Variants in SGMS1 observed in about 807,000 individuals in gnomAD.
SGMS1 encodes the protein sphingomyelin synthase 1, also known as phosphatidylcholine:ceramide cholinephosphotransferase 1.
SGMS1 carries 13 observed loss-of-function variants against 46.2 expected under a neutral mutation model. The ratio of observed to expected loss-of-function variants is 0.28; its 90% CI spans 0.18 to 0.45. The LOEUF (loss-of-function observed/expected upper bound fraction) is 0.45, where lower values mean the gene tolerates loss of function less well. Ranked by LOEUF, SGMS1 falls within the 20% of genes least tolerant of loss-of-function variation. The pLI is 1.00. For missense variants in SGMS1, 324 were observed against 519.9 expected, an observed-to-expected ratio of 0.62 and a Z score of 3.66; for synonymous variants, 203 against 187.8, an observed-to-expected ratio of 1.08 and a Z score of -0.66.
chr10:50,313,225 C>T (rs1453572476), intron 8 of SGMS1, among the ~76,000 whole-genome samples: 2 of 151,970 alleles, frequency 1.3e-5, no homozygotes, highest in African/African-American at 4.8e-5. Context: ...GAGATGGGGT[C>T]GGAGGGTAGG....
chr10:50,556,639 A>G (rs1261022624), intron 2 of SGMS1, among the ~76,000 whole-genome samples: 2 of 152,244 alleles, frequency 1.3e-5, no homozygotes, highest in African/African-American at 4.8e-5. Flanking sequence ...GTAGGCCCGC[A>G]CAGACGCAGC....
chr10:50,396,403 T>C (rs997926890), intron 6 of SGMS1, among the ~76,000 whole-genome samples: 7 of 152,172 alleles, frequency 4.6e-5, no homozygotes, highest in African/African-American at 7.2e-5. Context: ...AGAAGGTCTA[T>C]GTTCCACAAC....
At chr10:50,492,783 A>G (rs184645416) in intron 3 of SGMS1, among the ~76,000 whole-genome samples, 2 of 152,242 alleles carry the variant, frequency 1.3e-5, no homozygotes, top group Non-Finnish European at 2.9e-5. Flanking sequence ...TATTCTTCAC[A>G]GAACTAGAGA....
rs184297016 is a variant in SGMS1, at chr10:50,608,488, G to A, written c.-684+15219C>T. On this transcript the variant is annotated intron_variant, in intron 1 of 10. Transcript: ENST00000361781. ...ACAGGCTGTACACCACAAGATTTCAGGGGACGCTACTCAGTGCCCACTCCT... is the reference window on the plus strand; with the variant it reads ...ACAGGCTGTACACCACAAGATTTCAAGGGACGCTACTCAGTGCCCACTCCT... Among the ~76,000 whole-genome samples the A allele has an allele frequency of 2.2e-3, 338 of 152,258 alleles. 9 individuals carry two copies. The highest frequency in any genetic ancestry group is 0.019 in the Admixed American group (295 of 15,290).
intron 3 of SGMS1, among the ~76,000 whole-genome samples, chr10:50,498,419 C>T (rs779575974): frequency 3.3e-5 from 5 of 152,184 alleles, no homozygotes; most frequent in Non-Finnish European, 7.3e-5. Context: ...CACCACCATC[C>T]ATTTCCAGAG....
At chr10:50,605,550 C>T (rs1249432902) in intron 1 of SGMS1, among the ~76,000 whole-genome samples, 1 of 152,138 alleles carries the variant, frequency 6.6e-6, no homozygotes, top group Non-Finnish European at 1.5e-5. Context: ...CTCAAGGTTG[C>T]TGCCAAGTTT....
chr10:50,384,235 C>T (rs1345456005), intron 6 of SGMS1, among the ~76,000 whole-genome samples: 4 of 152,182 alleles, frequency 2.6e-5, no homozygotes, highest in African/African-American at 9.7e-5. Flanking sequence ...TTTCTTCCTT[C>T]ACTCACTAAT....
At chr10:50,495,839 T>C (rs1394909240) in intron 3 of SGMS1, among the ~76,000 whole-genome samples, 1 of 151,590 alleles carries the variant, frequency 6.6e-6, no homozygotes, top group Non-Finnish European at 1.5e-5. Context: ...ACATAGAACA[T>C]ATATGGAAAA....
intron 5 of SGMS1, among the ~76,000 whole-genome samples, chr10:50,437,157 TGGGGGCAATAC>T (rs1442751933): frequency 6.6e-6 from 1 of 152,188 alleles, no homozygotes; most frequent in African/African-American, 2.4e-5. Flanking sequence ...CCTCATACTT[TGGGGGCAATAC>T]AAGTACTAGG....
intron 2 of SGMS1, among the ~76,000 whole-genome samples, chr10:50,563,867 G>A (rs935183553): frequency 3.9e-5 from 6 of 152,078 alleles, no homozygotes; most frequent in Non-Finnish European, 1.5e-5. Context: ...TTACACTTGC[G>A]TGTGCTATGG....
At chr10:50,492,255 C>T (rs772979629) in intron 3 of SGMS1, among the ~76,000 whole-genome samples, 1 of 152,192 alleles carries the variant, frequency 6.6e-6, no homozygotes, top group Non-Finnish European at 1.5e-5. Context: ...TGAAAACTGC[C>T]ACAAGGCAAA....
intron 2 of SGMS1, among the ~76,000 whole-genome samples, chr10:50,554,700 A>G (rs377371908): frequency 2.0e-5 from 3 of 152,326 alleles, no homozygotes; most frequent in East Asian, 3.9e-4. Flanking sequence ...TTAAAATTAT[A>G]AAAGTCATAT....
chr10:50,351,719 C>T (rs1001323931), intron 6 of SGMS1, among the ~76,000 whole-genome samples: 5 of 152,180 alleles, frequency 3.3e-5, no homozygotes, highest in South Asian at 2.1e-4. Context: ...GATTCTGAGG[C>T]CTCCCTAGCC....
intron 6 of SGMS1, among the ~76,000 whole-genome samples, chr10:50,389,620 C>G (rs1848734758): frequency 6.6e-6 from 1 of 152,156 alleles, no homozygotes; most frequent in Admixed American, 6.5e-5. Flanking sequence ...CTGGCCATCC[C>G]CACATGCACA....
chr10:50,345,614 C>T (rs1240205356), intron 6 of SGMS1, among the ~76,000 whole-genome samples: 1 of 152,124 alleles, frequency 6.6e-6, no homozygotes, highest in Admixed American at 6.6e-5. Context: ...CTATGGTACA[C>T]AGGTTGAGAA....
intron 5 of SGMS1, among the ~76,000 whole-genome samples, chr10:50,439,411 C>T (rs914537125): frequency 6.6e-6 from 1 of 152,092 alleles, no homozygotes; most frequent in Non-Finnish European, 1.5e-5. Flanking sequence ...TCTTCTAGTC[C>T]CAGCCTCTCA....
intron 6 of SGMS1, among the ~76,000 whole-genome samples, chr10:50,408,444 A>AC (rs1407638420): frequency 1.1e-4 from 16 of 148,078 alleles, no homozygotes; most frequent in Admixed American, 2.0e-4. Context: ...AAAAAAAAAA[A>AC]AAAAAAAAAA....
intron 6 of SGMS1, among the ~76,000 whole-genome samples, chr10:50,379,733 A>C (rs936255465): frequency 2.6e-5 from 4 of 152,200 alleles, no homozygotes; most frequent in Non-Finnish European, 5.9e-5. Flanking sequence ...CAATTGTGAC[A>C]CAGCCACCAA....
At chr10:50,318,910 C>T (rs912050847) in intron 8 of SGMS1, among the ~76,000 whole-genome samples, 1 of 152,126 alleles carries the variant, frequency 6.6e-6, no homozygotes, top group Non-Finnish European at 1.5e-5. Flanking sequence ...TAATCTCCCA[C>T]CAGCCCCTCC....
Sources: gnomAD v4.1 joint callset for allele counts (sites outside exome capture counted in the v4.1 genomes callset) on GRCh38, gnomAD v4.1.1 for gene constraint, MANE v1.5 for transcripts, NCBI Gene and HGNC (gene_info 2026-07-23, HGNC 2026-07-21) for gene names.